DOHH: variants seen among roughly 807,000 people sequenced by gnomAD.
DOHH encodes the protein HEAT-like (PBS lyase) repeat containing 1.
A neutral mutation model predicts 19.9 loss-of-function variants in DOHH; 16 were observed. The ratio of observed to expected loss-of-function variants is 0.80; its 90% confidence interval spans 0.54 to 1.22. DOHH has a LOEUF of 1.22. Ranked by LOEUF, DOHH falls within the 50% of genes most tolerant of loss-of-function variation. The probability of loss-of-function intolerance (pLI) is 0.00; values close to 1 mark genes in which losing one functional copy is unlikely to be tolerated. For missense variants in DOHH, 460 were observed against 460.6 expected (o/e 1.00, Z 0.01); for synonymous variants, 233 against 217.0 (o/e 1.07, Z -0.65).
In DOHH at chr19:3,491,076, T is replaced by C. The variant is rs1261636300; in HGVS notation, c.*416A>G. 2 of 215,144 alleles carry C rather than the reference T, an allele frequency of 9.3e-6. No individual in the cohort carries two copies. Among genetic ancestry groups the C allele is most frequent in the Non-Finnish European group, 1.7e-5 (2 of 114,898 alleles). The allele number at this position is 215,144 out of a possible 1,614,324, so 13.3% of individuals were successfully genotyped here. The stretch of plus-strand genomic sequence containing the variant: ...CCTCGCGATCCTCCCCTGGCTCCCC[T>C]CGCGATCCTCCCTTGGCTTCCCTCG... On this transcript the variant is annotated 3_prime_UTR_variant, in exon 5 of 5. Coordinates refer to ENST00000427575, the MANE Select transcript of DOHH (RefSeq NM_001145165.2). The surrounding 1 kb of genome is among the most constrained non-coding windows in gnomAD (Gnocchi z 5.6).
rs753023201 is a variant in DOHH at position 3,496,607 on chromosome 19, C to T, written c.208G>A (p.Ala70Thr). ...YCLGQMQDAR[A>T]IPMLVDVLQD... ...AGCACGTCCACCAGCATGGGGATGG[C>T]GCGGGCATCCTGCATCTGGCCCAGG... is the stretch of plus-strand genomic sequence containing the variant. The change falls in exon 2 of 5, where the codon GCC (alanine) becomes ACC (threonine). Residue 70 changes from alanine to threonine, a missense_variant. By Grantham distance (58) the Ala-to-Thr change is moderately conservative. Coordinates refer to ENST00000427575, the MANE Select transcript of DOHH (RefSeq NM_001145165.2). This position sits in a 1 kb window ranked among gnomAD's most constrained non-coding sequence, Gnocchi z 4.8. The T allele has an allele frequency of 2.8e-5, 45 of 1,613,870 alleles. No homozygotes were observed. The highest frequency in any genetic ancestry group is 5.5e-5 in the South Asian group (5 of 91,086).
intron 1 of DOHH, among the ~76,000 whole-genome samples, chr19:3,498,682 G>A (rs2082927774): frequency 1.3e-5 from 2 of 152,178 alleles, no homozygotes; most frequent in Admixed American, 6.6e-5. Flanking sequence ...TGGAATTACA[G>A]GCTTGAGCCA....
At chr19:3,500,512 C>G (rs995177483) in intron 1 of DOHH, 49 bp downstream of exon 1, 1 of 152,400 alleles carries the variant, frequency 6.6e-6, no homozygotes, top group Non-Finnish European at 1.5e-5. Flanking sequence ...TGCCACCGCC[C>G]GCCAGACCCG....
chr19:3,499,288 A>C (rs956999898), intron 1 of DOHH, among the ~76,000 whole-genome samples: 1 of 152,066 alleles, frequency 6.6e-6, no homozygotes, highest in Non-Finnish European at 1.5e-5. Context: ...CTTTTCACTT[A>C]TTCAGCTTTA....
chr19:3,494,644 C>A (rs1195757519), intron 2 of DOHH, among the ~76,000 whole-genome samples: 1 of 152,312 alleles, frequency 6.6e-6, no homozygotes, highest in South Asian at 2.1e-4. Context: ...CAGGTCGGAG[C>A]AAGGCTGGCG....
chr19:3,497,408 G>T (rs2082916676), intron 1 of DOHH, among the ~76,000 whole-genome samples: 1 of 152,146 alleles, frequency 6.6e-6, no homozygotes, highest in Non-Finnish European at 1.5e-5. Flanking sequence ...TTTTGTAGGG[G>T]CCCACGTGGC....
chr19:3,493,574 G>A (rs896884071), intron 3 of DOHH, among the ~76,000 whole-genome samples: 1 of 149,140 alleles, frequency 6.7e-6, no homozygotes, highest in Non-Finnish European at 1.5e-5. Flanking sequence ...CGCGCCCACT[G>A]CACTCCAGCC....
In DOHH at chr19:3,492,564, C is replaced by T. The variant is rs189177334; in HGVS notation, c.352-65G>A. The T allele has an allele frequency of 5.1e-3, 6,418 of 1,250,348 alleles. 26 individuals are homozygous for T. The highest frequency in any genetic ancestry group is 6.1e-3 in the Non-Finnish European group (5,867 of 967,604). 77.5% of individuals were successfully genotyped at this position (1,250,348 alleles called of 1,614,324 possible). ...GGGTCGCAGGGGCCCTTCCCCACCC[C>T]CCGGGATGGCAGCTTAGCAGGGGAG... is the stretch of plus-strand genomic sequence containing the variant. On this transcript the variant is annotated intron_variant, in intron 3 of 4. Transcript: ENST00000427575.
At position 3,491,554 on chromosome 19, in the gene DOHH, C is replaced by T. The variant is rs2082869609; in HGVS notation, c.847G>A (p.Glu283Lys). 2.0e-6 allele frequency: 3 copies of T among 1,535,898 alleles called. No homozygotes were observed. The highest frequency in any genetic ancestry group is 2.6e-6 in the Non-Finnish European group (3 of 1,146,738). ...GCGTACTGGAAGGCCCGCCCGGTCT[C>T]GTGCTCATACATGTCCAGAGCCACC... The part of the protein sequence containing the change: ...CEVALDMYEH[E>K]TGRAFQYADG... Residue 283 changes from glutamate to lysine, a missense_variant, in exon 5 of 5, where the codon GAG becomes AAG. Glu to Lys is a moderately conservative substitution (Grantham distance 56, BLOSUM62 1). Transcript: ENST00000427575. This position sits in a 1 kb window ranked among gnomAD's most constrained non-coding sequence, Gnocchi z 5.6.
At chr19:3,493,162 G>C (rs1246159437) in intron 3 of DOHH, among the ~76,000 whole-genome samples, 1 of 133,654 alleles carries the variant, frequency 7.5e-6, no homozygotes, top group African/African-American at 2.9e-5. Flanking sequence ...CCACAAAAAG[G>C]AATGACGGGC....
intron 2 of DOHH, among the ~76,000 whole-genome samples, chr19:3,494,632 C>T (rs2082895397): frequency 6.6e-6 from 1 of 152,234 alleles, no homozygotes; most frequent in African/African-American, 2.4e-5. Context: ...GCGTCGCAAG[C>T]CCAGGTCGGA....
At chr19:3,498,743 A>T (rs950339427) in intron 1 of DOHH, among the ~76,000 whole-genome samples, 2 of 152,192 alleles carry the variant, frequency 1.3e-5, no homozygotes, top group African/African-American at 2.4e-5. Context: ...GTTTAGGATG[A>T]AACAAGTTTT....
At chr19:3,497,722 T>C (rs2082919969) in intron 1 of DOHH, among the ~76,000 whole-genome samples, 1 of 152,198 alleles carries the variant, frequency 6.6e-6, no homozygotes, top group Non-Finnish European at 1.5e-5. Context: ...ACTCCCAGTC[T>C]CAAGTGATCC....
chr19:3,492,911 G>C (rs1276234282), intron 3 of DOHH, among the ~76,000 whole-genome samples: 1 of 152,232 alleles, frequency 6.6e-6, no homozygotes, highest in Non-Finnish European at 1.5e-5. Flanking sequence ...ATGAGATATC[G>C]TGAGAGCTTT....
rs555280225 is a variant in DOHH at position 3,493,109 on chromosome 19, G to C, written c.352-610C>G. On this transcript the variant is annotated intron_variant, in intron 3 of 4. Transcript: ENST00000427575. ...CAATTCAAGCATCCAGCCACAGTGA[G>C]TGGACACAGCATGGGCCGTCCACAC... 8.5e-5 allele frequency among the ~76,000 whole-genome samples: 13 copies of C among 152,338 alleles called. No individual in the cohort carries two copies. In the East Asian group the frequency reaches 2.5e-3, roughly 29 times the overall value.
Position 3,491,883 on chromosome 19 carries a change from G to C in DOHH, c.590-72C>G. ...GGAGCTCTGTCTTTTCGAAGACATG[G>C]GGTCTTGCTATCTTGCCCAGGCAGG... On this transcript the variant is annotated intron_variant, in intron 4 of 4. Transcript: ENST00000427575. This position sits in a 1 kb window ranked among gnomAD's most constrained non-coding sequence, Gnocchi z 5.6. 2 of 1,354,152 alleles carry C rather than the reference G, an allele frequency of 1.5e-6. No individual in the cohort carries two copies. Among genetic ancestry groups the C allele is most frequent in the Non-Finnish European group, 1.9e-6 (2 of 1,037,602 alleles). 83.9% of individuals were successfully genotyped at this position (1,354,152 alleles called of 1,614,324 possible).
intron 3 of DOHH, 67 bp from the exon 4 acceptor site, chr19:3,492,566 C>CG (rs2082879405): frequency 1.6e-6 from 2 of 1,244,298 alleles, no homozygotes; most frequent in Non-Finnish European, 1.0e-6. Context: ...CCCCACCCCC[C>CG]GGGATGGCAG....
chr19:3,497,918 A>C (rs1599762378), intron 1 of DOHH, among the ~76,000 whole-genome samples: 1 of 152,184 alleles, frequency 6.6e-6, no homozygotes, highest in Non-Finnish European at 1.5e-5. Context: ...GGCATCAGCC[A>C]CTACCCCCAG....
intron 1 of DOHH, among the ~76,000 whole-genome samples, chr19:3,499,294 C>G (rs780701121): frequency 3.3e-5 from 5 of 152,156 alleles, no homozygotes; most frequent in Non-Finnish European, 5.9e-5. Flanking sequence ...ACTTATTCAG[C>G]TTTATTTTTC....
Sources: gnomAD v4.1 joint callset for allele counts (sites outside exome capture counted in the v4.1 genomes callset) on GRCh38, gnomAD v4.1.1 for gene constraint, Gnocchi (gnomAD v3.1) non-coding constraint, MANE v1.5 for transcripts, NCBI Gene and HGNC (gene_info 2026-07-23, HGNC 2026-07-21) for gene names.